CD72: variants seen among roughly 807,000 people sequenced by gnomAD.
CD72 encodes the protein B-cell differentiation antigen CD72.
Under a neutral mutation model 50.7 loss-of-function variants are expected in CD72, and 28 were observed. That is an observed-to-expected ratio of 0.55 (90% CI 0.41 to 0.76). The LOEUF is 0.76. Ranked by LOEUF, CD72 falls within the 30% of genes least tolerant of loss-of-function variation. CD72 has a pLI of 0.00. For missense variants in CD72, 403 were observed against 420.6 expected (o/e 0.96, Z 0.37); for synonymous variants, 176 against 171.2 (o/e 1.03, Z -0.22).
chr9:35,612,856 G>A lies in CD72; in HGVS notation c.826C>T (p.Pro276Ser), dbSNP rs1340440194. Residue 276 changes from proline to serine, a missense_variant, in exon 6 of 9, where the codon CCA becomes TCA. Physicochemically the swap from Pro to Ser is moderately conservative, Grantham distance 74. Coordinates refer to ENST00000259633, the MANE Select transcript of CD72 (RefSeq NM_001782.3). The part of the protein sequence containing the change: ...SKLATFSEIY[P>S]QSHSYYFLNS... Reference sequence around the variant, plus strand: ...AGTAAGGATATGCTTACTGATTGTGGATAAATTTCACTGAATGTGGCCAGC... The same window carrying A: ...AGTAAGGATATGCTTACTGATTGTGAATAAATTTCACTGAATGTGGCCAGC... The A allele has an allele frequency of 6.2e-7, 1 of 1,614,142 alleles. No individual in the cohort carries two copies. The highest frequency in any genetic ancestry group is 8.5e-7 in the Non-Finnish European group (1 of 1,179,986).
intron 1 of CD72, among the ~76,000 whole-genome samples, chr9:35,627,811 T>C (rs1823209817): frequency 6.6e-6 from 1 of 152,062 alleles, no homozygotes; most frequent in Admixed American, 6.6e-5. Context: ...CTGATGCTCC[T>C]ATGATAAGTT....
chr9:35,644,901 CA>C (rs527855881), intron 1 of CD72, among the ~76,000 whole-genome samples: 52,510 of 106,766 alleles, frequency 0.49, 10,432 homozygotes, highest in Middle Eastern at 0.53. Flanking sequence ...TGACTGAAGC[CA>C]AAAAAAAAAA....
intron 2 of CD72, 128 bp from the exon 3 acceptor site, chr9:35,617,375 T>G: frequency 9.9e-7 from 1 of 1,006,958 alleles, no homozygotes; most frequent in Non-Finnish European, 1.4e-6. Flanking sequence ...AGAGCTGCTC[T>G]GGGACACAGT....
chr9:35,619,724 T>G (rs924774275), upstream of CD72, among the ~76,000 whole-genome samples: 6 of 152,154 alleles, frequency 3.9e-5, no homozygotes, highest in African/African-American at 1.4e-4. Flanking sequence ...AGGGCATCTG[T>G]GAGGTGAGCG....
chr9:35,638,908 T>G (rs1295902840), intron 1 of CD72, among the ~76,000 whole-genome samples: 2 of 152,144 alleles, frequency 1.3e-5, no homozygotes, highest in Admixed American at 1.3e-4. Context: ...TCTGACAAGC[T>G]AAAGGAAACT....
intron 1 of CD72, among the ~76,000 whole-genome samples, chr9:35,645,332 G>A (rs1823381235): frequency 6.6e-6 from 1 of 152,180 alleles, no homozygotes. Context: ...AGGCGCTGTG[G>A]CTCACGCCTG....
chr9:35,616,381 C>G (rs1823064683), intron 4 of CD72, 103 bp from the exon 5 acceptor site: 1 of 965,232 alleles, frequency 1.0e-6, no homozygotes. Flanking sequence ...CTTTTTGCAT[C>G]ACAGGCTGAA....
At chr9:35,614,345 G>A (rs1269035023) in intron 5 of CD72, among the ~76,000 whole-genome samples, 1 of 152,212 alleles carries the variant, frequency 6.6e-6, no homozygotes, top group Non-Finnish European at 1.5e-5. Context: ...ATGAAGAATG[G>A]ACTGCAGGGA....
rs546053072 is a variant in CD72 at position 35,642,164 on chromosome 9, C to T, written n.408+4239G>A. On this transcript the variant is annotated intron_variant and non_coding_transcript_variant, in intron 1 of 3. Transcript: ENST00000465754. ...TACAAGTTGAGGTCGGGATCAGTCACGGGAACCTCTAAAAGGTCCCCTCTA... is the reference window on the plus strand; with the variant it reads ...TACAAGTTGAGGTCGGGATCAGTCATGGGAACCTCTAAAAGGTCCCCTCTA... 4.6e-5 allele frequency among the ~76,000 whole-genome samples: 7 copies of T among 152,314 alleles called. No individual in the cohort carries two copies. In the South Asian group the frequency reaches 6.2e-4, roughly 14 times the overall value.
At chr9:35,611,456 A>G (rs1350045192) in intron 7 of CD72, among the ~76,000 whole-genome samples, 3 of 152,144 alleles carry the variant, frequency 2.0e-5, no homozygotes, top group Non-Finnish European at 4.4e-5. Flanking sequence ...GAGAAAGTAC[A>G]ACCTCAGTTT....
intron 1 of CD72, among the ~76,000 whole-genome samples, chr9:35,636,871 G>A (rs991470239): frequency 1.3e-5 from 2 of 152,182 alleles, no homozygotes; most frequent in Admixed American, 1.3e-4. Context: ...GACCTGCACG[G>A]ATACATCCAG....
In CD72 at chr9:35,618,241, G is replaced by A; in HGVS notation, c.63C>T (p.Ile21=). ...CCTTACCCTGTCCTAACCGGCTGGA[G>A]ATGCTCTTCTTCAGGGGAGCCTTCA... ...RFVKAPLKKS[I]SSRLGQDPGA... is the part of the protein sequence containing the mutation. The change falls in exon 1 of 9, where the codon ATC becomes ATT. Residue 21 remains isoleucine (I), a synonymous_variant. Coordinates refer to ENST00000259633, the MANE Select transcript of CD72 (RefSeq NM_001782.3). The A allele has an allele frequency of 6.2e-7, 1 of 1,614,182 alleles. No homozygotes were observed. The highest frequency in any genetic ancestry group is 2.2e-5 in the East Asian group (1 of 44,882).
intron 1 of CD72, among the ~76,000 whole-genome samples, chr9:35,628,576 G>C (rs1335737423): frequency 2.0e-5 from 3 of 152,244 alleles, no homozygotes; most frequent in Non-Finnish European, 4.4e-5. Context: ...TTTCTCCTCA[G>C]GCCTCACCGC....
At chr9:35,637,365 A>G (rs1038927903) in intron 1 of CD72, among the ~76,000 whole-genome samples, 10 of 152,126 alleles carry the variant, frequency 6.6e-5, no homozygotes, top group Non-Finnish European at 1.2e-4. Flanking sequence ...GACCCGGGAC[A>G]GGAGGACTCC....
intron 1 of CD72, among the ~76,000 whole-genome samples, chr9:35,630,872 T>C (rs1823240184): frequency 6.6e-6 from 1 of 152,174 alleles, no homozygotes; most frequent in South Asian, 2.1e-4. Context: ...GAGATAAACC[T>C]GCGCAACATG....
At chr9:35,618,776 G>A (rs893715009), upstream of CD72, 22 of 1,288,108 alleles carry the variant, frequency 1.7e-5, no homozygotes, top group Middle Eastern at 4.2e-4. Context: ...GTGAGGCTCC[G>A]TTCTCCCCAT....
At chr9:35,623,360 A>G (rs1425880327), upstream of CD72, among the ~76,000 whole-genome samples, 2 of 152,174 alleles carry the variant, frequency 1.3e-5, no homozygotes, top group Non-Finnish European at 2.9e-5. Flanking sequence ...CGCCTTATAA[A>G]CTGACCCAGT....
Position 35,644,150 on chromosome 9 carries a change from T to C in CD72, n.408+2253A>G, listed in dbSNP as rs565707589. Among the ~76,000 whole-genome samples the C allele has an allele frequency of 4.7e-5, 7 of 149,416 alleles. 1 individual carries two copies. The South Asian group carries it at 1.3e-3, about 27-fold the overall frequency. ...TCATGAGGTCAGGAGTTTGAGACCA[T>C]CCTGGCCAACATGGTGAAACCCCAT... On this transcript the variant is annotated intron_variant and non_coding_transcript_variant, in intron 1 of 3. Transcript: ENST00000465754.
intron 1 of CD72, among the ~76,000 whole-genome samples, chr9:35,643,969 G>A (rs1823362299): frequency 6.6e-6 from 1 of 150,662 alleles, no homozygotes. Context: ...CTGGGTGACA[G>A]AGAAAAACTC....
Sources: allele counts gnomAD v4.1 joint callset (sites outside exome capture counted in the v4.1 genomes callset), GRCh38; gene constraint gnomAD v4.1.1; transcripts MANE v1.5; gene names NCBI Gene and HGNC (gene_info 2026-07-23, HGNC 2026-07-21).